ITGB6: variants seen among roughly 807,000 people sequenced by gnomAD.
ITGB6 encodes the protein integrin subunit beta 6, also known as integrin beta-6.
Under a neutral mutation model 84.5 loss-of-function variants are expected in ITGB6, and 80 were observed. That is an observed-to-expected ratio of 0.95 (90% CI 0.79 to 1.14). The LOEUF (loss-of-function observed/expected upper bound fraction) is 1.14, where lower values mean the gene tolerates loss of function less well. Ranked by LOEUF, ITGB6 falls within the 50% of genes most tolerant of loss-of-function variation. ITGB6 has a pLI of 0.00. For synonymous variants in ITGB6, 383 were observed against 354.9 expected, an observed-to-expected ratio of 1.08 and a Z score of -0.89; for missense variants, 1,006 against 968.0, an observed-to-expected ratio of 1.04 and a Z score of -0.52.
Position 160,128,572 on chromosome 2 carries a change from G to A in ITGB6, c.1661-1971C>T, listed in dbSNP as rs374776363. 8.5e-5 allele frequency among the ~76,000 whole-genome samples: 13 copies of A among 152,258 alleles called. No individual in the cohort carries two copies. The East Asian group carries it at 1.9e-3, about 23-fold the overall frequency. ...AGAAGATATGAGACCATGAACCAAGGCGGTGCCCATGGGAGCAGCAAGGAA... is the reference window on the plus strand; with the variant it reads ...AGAAGATATGAGACCATGAACCAAGACGGTGCCCATGGGAGCAGCAAGGAA... On this transcript the variant is annotated intron_variant, in intron 10 of 14. Coordinates refer to ENST00000283249, the MANE Select transcript of ITGB6 (RefSeq NM_000888.5).
rs1329310318 is a variant in ITGB6 at position 160,137,639 on chromosome 2, G to T, written c.1455C>A (p.His485Gln). The part of the protein sequence containing the change: ...QCGVCACHPG[H>Q]MGPRCECGED... ...CGCCACACTCACAGCGAGGCCCCAT[G>T]TGGCCAGGGTGGCAGGCACACACCC... The change falls in exon 10 of 15, where the codon CAC becomes CAA. Residue 485 changes from histidine (H) to glutamine (Q), a missense_variant. By Grantham distance (24) the His-to-Gln change is conservative. Coordinates refer to ENST00000283249, the MANE Select transcript of ITGB6 (RefSeq NM_000888.5). 12 of 1,614,202 alleles carry T rather than the reference G, an allele frequency of 7.4e-6. No individual in the cohort carries two copies. The highest frequency in any genetic ancestry group is 4.5e-5 in the East Asian group (2 of 44,870).
chr2:160,173,580 T>C (rs1685299754), intron 5 of ITGB6, among the ~76,000 whole-genome samples: 1 of 152,268 alleles, frequency 6.6e-6, no homozygotes, highest in Non-Finnish European at 1.5e-5. Flanking sequence ...TTCAAAACAA[T>C]AGCTATGTAG....
At chr2:160,144,264 G>T (rs1684105192) in intron 7 of ITGB6, among the ~76,000 whole-genome samples, 2 of 152,098 alleles carry the variant, frequency 1.3e-5, no homozygotes, top group African/African-American at 4.8e-5. Flanking sequence ...ATTATTGAGG[G>T]GGCTGTGGGC....
intron 7 of ITGB6, among the ~76,000 whole-genome samples, chr2:160,151,155 C>A (rs1200748152): frequency 6.6e-6 from 1 of 152,154 alleles, no homozygotes; most frequent in Non-Finnish European, 1.5e-5. Flanking sequence ...CTTCTCAGCA[C>A]CACATTGCAC....
chr2:160,181,961 G>A lies in ITGB6; in HGVS notation c.594-7822C>T, dbSNP rs901057801. On this transcript the variant is annotated intron_variant, in intron 4 of 14. Coordinates refer to ENST00000283249, the MANE Select transcript of ITGB6 (RefSeq NM_000888.5). ...TAGCATCAATATCAACAAAAAGGAC[G>A]TCCACACAAAAAACCCCATCCGAAG... Among the ~76,000 whole-genome samples, 9 of 152,200 alleles carry A rather than the reference G, an allele frequency of 5.9e-5. No homozygotes were observed. In the East Asian group the frequency reaches 9.6e-4, roughly 16 times the overall value.
chr2:160,152,140 A>C (rs1305918221), intron 7 of ITGB6, among the ~76,000 whole-genome samples: 4 of 152,176 alleles, frequency 2.6e-5, no homozygotes, highest in Non-Finnish European at 4.4e-5. Flanking sequence ...CAGAGACACA[A>C]CAAAAAAAGA....
intron 7 of ITGB6, among the ~76,000 whole-genome samples, chr2:160,167,300 C>G (rs1685029538): frequency 6.6e-6 from 1 of 152,302 alleles, no homozygotes; most frequent in African/African-American, 2.4e-5. Context: ...CATTTTCATG[C>G]TGTGTGAAGG....
chr2:160,183,601 G>A (rs1685773767), intron 4 of ITGB6, among the ~76,000 whole-genome samples: 2 of 152,072 alleles, frequency 1.3e-5, no homozygotes, highest in South Asian at 4.1e-4. Context: ...AATATACAAG[G>A]ATATTCAGGA....
chr2:160,112,169 G>A lies in ITGB6; in HGVS notation c.2012C>T (p.Ser671Phe), dbSNP rs1474284689. 1 of 1,612,410 alleles carries A rather than the reference G, an allele frequency of 6.2e-7. No homozygotes were observed. Among genetic ancestry groups the A allele is most frequent in the Admixed American group, 1.7e-5 (1 of 59,948 alleles). Residue 671 changes from serine (S) to phenylalanine (F), a missense_variant, in exon 13 of 15, where the codon TCT becomes TTT. Physicochemically the swap from Ser to Phe is radical, Grantham distance 155. Transcript: ENST00000283249. ...DFSKDGSVSC[S>F]LQGENECLIT... ...AAGACATTCATTTTCTCCTTGCAGA[G>A]AGCAGGAAACAGAACCATCCTTTGA... is the stretch of plus-strand genomic sequence containing the variant.
chr2:160,170,264 C>T (rs1255386158), intron 6 of ITGB6, among the ~76,000 whole-genome samples: 1 of 152,170 alleles, frequency 6.6e-6, no homozygotes, highest in Non-Finnish European at 1.5e-5. Flanking sequence ...GGAGTATTTT[C>T]ATCTAAAGCC....
chr2:160,134,773 T>C (rs989262126), intron 10 of ITGB6, among the ~76,000 whole-genome samples: 1 of 152,182 alleles, frequency 6.6e-6, no homozygotes, highest in Non-Finnish European at 1.5e-5. Context: ...ATAAACGTAA[T>C]CTAGCATATA....
At chr2:160,154,780 A>G (rs1684559629) in intron 7 of ITGB6, among the ~76,000 whole-genome samples, 1 of 152,244 alleles carries the variant, frequency 6.6e-6, no homozygotes, top group African/African-American at 2.4e-5. Flanking sequence ...TCAAGCTATG[A>G]GAAGACGGAG....
At chr2:160,157,966 A>C (rs528666986) in intron 7 of ITGB6, among the ~76,000 whole-genome samples, 1 of 151,988 alleles carries the variant, frequency 6.6e-6, no homozygotes, top group Non-Finnish European at 1.5e-5. Flanking sequence ...GCTGGTTCTC[A>C]CGTTCATTAT....
intron 8 of ITGB6, among the ~76,000 whole-genome samples, chr2:160,140,679 A>G (rs543285750): frequency 6.6e-5 from 10 of 152,352 alleles, no homozygotes; most frequent in African/African-American, 2.4e-4. Context: ...TTCAAGCATG[A>G]GCTAATGTGG....
chr2:160,146,828 C>G (rs1359012796), intron 7 of ITGB6, among the ~76,000 whole-genome samples: 2 of 152,078 alleles, frequency 1.3e-5, no homozygotes, highest in Non-Finnish European at 2.9e-5. Flanking sequence ...AAGGTAGGCT[C>G]AGTGGCTCAT....
intron 12 of ITGB6, among the ~76,000 whole-genome samples, chr2:160,120,230 T>A (rs1295147738): frequency 6.6e-6 from 1 of 151,666 alleles, no homozygotes; most frequent in African/African-American, 2.4e-5. Context: ...ATGTTTATTG[T>A]GGCACTATTT....
chr2:160,172,959 A>T (rs1202508903), intron 5 of ITGB6, among the ~76,000 whole-genome samples: 1 of 152,190 alleles, frequency 6.6e-6, no homozygotes, highest in Non-Finnish European at 1.5e-5. Flanking sequence ...GCTTCAGAAA[A>T]ATATAGCTCC....
chr2:160,190,040 T>C (rs1423936291), intron 4 of ITGB6, among the ~76,000 whole-genome samples: 1 of 152,086 alleles, frequency 6.6e-6, no homozygotes, highest in African/African-American at 2.4e-5. Flanking sequence ...AATAATGAGT[T>C]CATGTCCTTT....
At chr2:160,113,708 T>G (rs189193240) in intron 12 of ITGB6, among the ~76,000 whole-genome samples, 1 of 152,224 alleles carries the variant, frequency 6.6e-6, no homozygotes, top group Non-Finnish European at 1.5e-5. Context: ...GTACACTTAG[T>G]GAGTTGTTTA....
Sources: allele counts gnomAD v4.1 joint callset (sites outside exome capture counted in the v4.1 genomes callset), GRCh38; gene constraint gnomAD v4.1.1; transcripts MANE v1.5; gene names NCBI Gene and HGNC (gene_info 2026-07-23, HGNC 2026-07-21).